The following SYTL2 variants were observed in gnomAD, a reference collection of about 807,000 sequenced individuals.
SYTL2 encodes synaptotagmin like 2.
Under a neutral mutation model 198.7 loss-of-function variants are expected in SYTL2, and 165 were observed. The observed-to-expected ratio is 0.83, with a 90% CI of 0.73 to 0.94. The LOEUF (loss-of-function observed/expected upper bound fraction) is 0.94. SYTL2 is among the 40% of genes least tolerant of loss of function. SYTL2 has a pLI of 0.00. For missense variants in SYTL2, 2,835 were observed against 2,582.8 expected, an observed-to-expected ratio of 1.10 and a Z score of -2.12; for synonymous variants, 966 against 917.7, an observed-to-expected ratio of 1.05 and a Z score of -0.95.
chr11:85,798,911 A>G (rs1204569624), intron 1 of SYTL2, among the ~76,000 whole-genome samples: 1 of 152,240 alleles, frequency 6.6e-6, no homozygotes, highest in Non-Finnish European at 1.5e-5. Flanking sequence ...GTTTAGGCAC[A>G]GTGAGCTACT....
Position 85,704,876 on chromosome 11 carries a change from C to A in SYTL2, c.6171G>T (p.Trp2057Cys). 6.2e-7 allele frequency: 1 copy of A among 1,613,192 alleles called. No homozygotes were observed. Among genetic ancestry groups the A allele is most frequent in the Non-Finnish European group, 8.5e-7 (1 of 1,179,454 alleles). Residue 2057 changes from tryptophan to cysteine, a missense_variant, in exon 16 of 20, where the codon TGG becomes TGT. This residue lies in a region of SYTL2 where 2,645 missense variants were observed against 2,381.7 expected (regional missense o/e 1.11). Transcript: ENST00000359152. ...WDNKQNKQLR[W>C]YPLKRKTAPV... Reference sequence around the variant, plus strand: ...GACTCACCTTCCGCTTCAGAGGGTACCATCTCAATTGTTTATTCTGTTTGT... The same window carrying A: ...GACTCACCTTCCGCTTCAGAGGGTAACATCTCAATTGTTTATTCTGTTTGT...
rs2092104787 is a variant in SYTL2 at position 85,761,874 on chromosome 11, G to C, written c.-389-3760C>G. ...CAGCTTTGCCACGTTGTACAGGCTG[G>C]TCTTGAACTCCTGGCTTCAAGTGAT... On this transcript the variant is annotated intron_variant, in intron 1 of 19. Coordinates refer to ENST00000359152, the MANE Select transcript of SYTL2 (RefSeq NM_206927.4). 2.0e-5 allele frequency among the ~76,000 whole-genome samples: 3 copies of C among 152,294 alleles called. No homozygotes were observed. In the South Asian group the frequency reaches 6.2e-4, roughly 32 times the overall value.
chr11:85,709,598 C>A, intron 13 of SYTL2, 98 bp from the exon 14 acceptor site: 1 of 1,205,268 alleles, frequency 8.3e-7, no homozygotes, highest in African/African-American at 1.5e-5. Flanking sequence ...ATTTCTTTAG[C>A]TTGCTTATAA....
At chr11:85,775,552 G>A (rs982258215) in intron 1 of SYTL2, among the ~76,000 whole-genome samples, 8 of 151,978 alleles carry the variant, frequency 5.3e-5, no homozygotes, top group African/African-American at 1.2e-4. Flanking sequence ...GCGCTATCTC[G>A]GCACACTCCA....
the SYTL2 span, among the ~76,000 whole-genome samples, chr11:85,822,681 A>T: frequency 6.6e-5 from 10 of 152,184 alleles, no homozygotes; most frequent in Admixed American, 1.3e-4. Context: ...TAGCTAGGGG[A>T]AGTAGTAGAT....
intron 7 of SYTL2, among the ~76,000 whole-genome samples, chr11:85,732,015 G>C (rs1425320158): frequency 6.6e-6 from 1 of 152,192 alleles, no homozygotes; most frequent in African/African-American, 2.4e-5. Context: ...CTGGTCATTA[G>C]AGAAATGCAA....
chr11:85,780,009 AC>A (rs1303364005), intron 1 of SYTL2, among the ~76,000 whole-genome samples: 1 of 152,210 alleles, frequency 6.6e-6, no homozygotes, highest in Non-Finnish European at 1.5e-5. Flanking sequence ...AAGTGAGGGA[AC>A]TAAAAAGGAT....
intron 1 of SYTL2, among the ~76,000 whole-genome samples, chr11:85,802,220 CTTT>C (rs5793172): frequency 1.6e-5 from 2 of 122,546 alleles, no homozygotes; most frequent in Non-Finnish European, 1.6e-5. Flanking sequence ...TTTTTCTTTT[CTTT>C]TTTTTTTTTT....
intron 1 of SYTL2, among the ~76,000 whole-genome samples, chr11:85,789,311 G>C (rs1350066539): frequency 2.1e-5 from 2 of 95,640 alleles, no homozygotes; most frequent in African/African-American, 8.2e-5. Flanking sequence ...TTATTTATAT[G>C]ATGTGTGTGT....
intron 1 of SYTL2, among the ~76,000 whole-genome samples, chr11:85,793,380 T>C (rs2092759638): frequency 6.6e-6 from 1 of 152,258 alleles, no homozygotes; most frequent in African/African-American, 2.4e-5. Flanking sequence ...TGACAGCCAG[T>C]GATGGTGAGC....
At chr11:85,695,540 C>T (rs932910026) in intron 19 of SYTL2, among the ~76,000 whole-genome samples, 200 bp from the exon 20 acceptor site, 1 of 152,098 alleles carries the variant, frequency 6.6e-6, no homozygotes, top group Admixed American at 6.5e-5. Flanking sequence ...TACCATAATT[C>T]CTAGAGCAAT....
At chr11:85,733,599 T>TTTTG (rs1223498195) in intron 7 of SYTL2, 53 of 135,624 alleles carry the variant, frequency 3.9e-4, no homozygotes, top group East Asian at 1.3e-3. Flanking sequence ...TTTTTGTTTT[T>TTTTG]TTTTTTTTTT....
intron 1 of SYTL2, among the ~76,000 whole-genome samples, chr11:85,792,007 T>G (rs999269166): frequency 6.6e-6 from 1 of 152,024 alleles, no homozygotes; most frequent in African/African-American, 2.4e-5. Context: ...CTATAGAAAG[T>G]ATATAACTGG....
intron 2 of SYTL2, among the ~76,000 whole-genome samples, chr11:85,751,845 A>G (rs969103777): frequency 5.3e-5 from 8 of 152,228 alleles, no homozygotes; most frequent in African/African-American, 1.9e-4. Flanking sequence ...GCTAAAAGCC[A>G]TATCTAAACC....
At chr11:85,853,367 C>A in the SYTL2 span, 1 of 441,650 alleles carries the variant, frequency 2.3e-6, no homozygotes, top group Non-Finnish European at 4.5e-6. Flanking sequence ...TTGCCCCCAA[C>A]CCGGTGCTCT....
chr11:85,811,984 G>C (rs1368546530), upstream of SYTL2, among the ~76,000 whole-genome samples: 1 of 152,168 alleles, frequency 6.6e-6, no homozygotes, highest in Non-Finnish European at 1.5e-5. Flanking sequence ...GCGAGCGCCC[G>C]TAGTCCCAAC....
chr11:85,853,069 C>T, the SYTL2 span: 1 of 289,216 alleles, frequency 3.5e-6, no homozygotes, highest in Non-Finnish European at 6.8e-6. Flanking sequence ...CGGCCGCCTC[C>T]CCGTCCGGGA....
the SYTL2 span, among the ~76,000 whole-genome samples, chr11:85,833,054 A>G: frequency 4.3e-4 from 15 of 34,692 alleles, 3 homozygotes; most frequent in Admixed American, 1.5e-3. Flanking sequence ...AAAGAAAGAA[A>G]GAAAGAAAGA....
rs1009704644 is a variant in SYTL2, at chr11:85,709,463, A to C, written c.5783T>G (p.Phe1928Cys). 1.4e-5 allele frequency: 22 copies of C among 1,614,010 alleles called. No homozygotes were observed. Among genetic ancestry groups the C allele is most frequent in the Non-Finnish European group, 1.9e-5 (22 of 1,180,004 alleles). Reference sequence around the variant, plus strand: ...ATTTCCTTTAACTTCCAGATTGCCAAAGTCTCCACTATAAACACTCATCAC... The same window carrying C: ...ATTTCCTTTAACTTCCAGATTGCCACAGTCTCCACTATAAACACTCATCAC... ...GSVMSVYSGD[F>C]GNLEVKGNIQ... Residue 1928 changes from phenylalanine to cysteine, a missense_variant, in exon 14 of 20, where the codon TTT (phenylalanine) becomes TGT (cysteine). Phe to Cys is a radical substitution (Grantham distance 205, BLOSUM62 -2). Around this residue, in one of 3 missense-constraint regions of SYTL2, gnomAD observed 2,645 missense variants for 2,381.7 expected, o/e 1.11. Coordinates refer to ENST00000359152, the MANE Select transcript of SYTL2 (RefSeq NM_206927.4).
Sources: gnomAD v4.1 joint callset for allele counts (sites outside exome capture counted in the v4.1 genomes callset) on GRCh38, gnomAD v4.1.1 for gene constraint, gnomAD v4.1.1 regional missense constraint, MANE v1.5 for transcripts, NCBI Gene and HGNC (gene_info 2026-07-23, HGNC 2026-07-21) for gene names.